The following SFSWAP variants were observed in gnomAD, a reference collection of about 807,000 sequenced individuals.
SFSWAP encodes the protein splicing factor, suppressor of white-apricot homolog.
Under a neutral mutation model 100.7 loss-of-function variants are expected in SFSWAP, and 17 were observed. The ratio of observed to expected loss-of-function variants is 0.17; its 90% confidence interval spans 0.12 to 0.25. The LOEUF (loss-of-function observed/expected upper bound fraction) is 0.25. SFSWAP is among the 10% of genes least tolerant of loss of function. The pLI is 1.00. For synonymous variants in SFSWAP, 504 were observed against 510.1 expected (o/e 0.99, Z 0.16); for missense variants, 1,005 against 1,262.6 (o/e 0.80, Z 3.09).
rs1388171627 is a variant in SFSWAP at position 131,733,940 on chromosome 12, CAT to C, written c.1081+5513_1081+5514del. 2.0e-5 allele frequency among the ~76,000 whole-genome samples: 3 copies of C among 152,216 alleles called. No homozygotes were observed. The highest frequency in any genetic ancestry group is 7.2e-5 in the African/African-American group (3 of 41,456). ...ATACAGACAAGACCCCAAACACACA[CAT>C]GGGAGCCCTGAGCCCACCCTGGGGC... is the stretch of plus-strand genomic sequence containing the variant. On this transcript the variant is annotated intron_variant, in intron 7 of 17. Transcript: ENST00000261674. This position sits in a 1 kb window ranked among gnomAD's most constrained non-coding sequence, Gnocchi z 5.1.
chr12:131,756,884 A>G (rs2136228453), intron 11 of SFSWAP: 1 of 478,732 alleles, frequency 2.1e-6, no homozygotes. Flanking sequence ...CAGTCTGTTC[A>G]GTGTACTGGA....
rs1467344819 is a variant in SFSWAP, at chr12:131,725,589, G to C, written c.791G>C (p.Arg264Pro). The change falls in exon 5 of 18, where the codon CGC becomes CCC. Residue 264 changes from arginine to proline, a missense_variant. This residue lies in a region of SFSWAP where 54 missense variants were observed against 51.9 expected (regional missense o/e 1.04). Coordinates refer to ENST00000261674, the MANE Select transcript of SFSWAP (RefSeq NM_004592.4). The surrounding 1 kb of genome is among the most constrained non-coding windows in gnomAD (Gnocchi z 4.3). Reference protein sequence around the residue: ...KFIQKAMKEGRYTVLAENKSD... With the variant: ...KFIQKAMKEGPYTVLAENKSD... ...ATCCAGAAAGCCATGAAAGAGGGAC[G>C]CTACACTGTCCTGGCAGAAAACAAA... 1 of 1,614,076 alleles carries C rather than the reference G, an allele frequency of 6.2e-7. No individual in the cohort carries two copies. Among genetic ancestry groups the C allele is most frequent in the Admixed American group, 1.7e-5 (1 of 59,990 alleles).
At chr12:131,765,915 A>G (rs911435934) in intron 12 of SFSWAP, among the ~76,000 whole-genome samples, 4 of 152,006 alleles carry the variant, frequency 2.6e-5, no homozygotes, top group Non-Finnish European at 5.9e-5. Context: ...AGTCTCACCA[A>G]CCTTCTAACT....
At chr12:131,761,036 C>A (rs1016161757) in intron 11 of SFSWAP, among the ~76,000 whole-genome samples, 1 of 152,192 alleles carries the variant, frequency 6.6e-6, no homozygotes, top group Non-Finnish European at 1.5e-5. Flanking sequence ...CGCGCCACTG[C>A]ACTCCAGCCT....
At chr12:131,722,395 C>G (rs1471520182) in intron 4 of SFSWAP, among the ~76,000 whole-genome samples, 1 of 151,968 alleles carries the variant, frequency 6.6e-6, no homozygotes, top group Non-Finnish European at 1.5e-5. Flanking sequence ...GATCCTGTCT[C>G]TACAAACAAG....
Position 131,786,544 on chromosome 12 carries a change from C to T in SFSWAP, c.2490C>T (p.Arg830=), listed in dbSNP as rs772475567. 1.1e-4 allele frequency: 167 copies of T among 1,587,556 alleles called. No homozygotes were observed. The highest frequency in any genetic ancestry group is 8.3e-5 in the Non-Finnish European group (97 of 1,168,132). ...AGAGGAGTGTGCCCACTGCCTACCGCGTGAGCCGCAGCCCTGGGGCCAGTA... is the reference window on the plus strand; with the variant it reads ...AGAGGAGTGTGCCCACTGCCTACCGTGTGAGCCGCAGCCCTGGGGCCAGTA... ...REERSVPTAY[R]VSRSPGASRK... Residue 830 remains arginine (R), a synonymous_variant, in exon 15 of 18, where the codon CGC becomes CGT. Transcript: ENST00000261674.
At chr12:131,718,288 A>G (rs1382127548) in intron 3 of SFSWAP, among the ~76,000 whole-genome samples, 1 of 152,238 alleles carries the variant, frequency 6.6e-6, no homozygotes. Flanking sequence ...TGTATATGAT[A>G]GAAACACTTA....
At chr12:131,790,533 C>T (rs1355840860) in intron 15 of SFSWAP, among the ~76,000 whole-genome samples, 1 of 152,136 alleles carries the variant, frequency 6.6e-6, no homozygotes. Context: ...GGCACAATGG[C>T]GGGCACCTAC....
intron 7 of SFSWAP, among the ~76,000 whole-genome samples, chr12:131,749,043 T>G (rs1881386282): frequency 1.3e-5 from 2 of 152,230 alleles, no homozygotes; most frequent in Non-Finnish European, 2.9e-5. Flanking sequence ...CAATTTGCAT[T>G]CAGTAGAACA....
At position 131,714,979 on chromosome 12, in the gene SFSWAP, T is replaced by C. The variant is rs1877753539; in HGVS notation, c.520+26T>C. On this transcript the variant is annotated intron_variant, in intron 3 of 17. Transcript: ENST00000261674. This position sits in a 1 kb window ranked among gnomAD's most constrained non-coding sequence, Gnocchi z 6.0. ...GTGAGTGGGGAGCTGCCTGGACTGC[T>C]GGTGTAGGGCTACACGTGTACGCAC... The C allele has an allele frequency of 6.2e-7, 1 of 1,613,024 alleles. No homozygotes were observed. Among genetic ancestry groups the C allele is most frequent in the Non-Finnish European group, 8.5e-7 (1 of 1,179,734 alleles).
intron 7 of SFSWAP, among the ~76,000 whole-genome samples, chr12:131,749,699 C>T (rs1881445182): frequency 6.6e-6 from 1 of 152,200 alleles, no homozygotes; most frequent in Non-Finnish European, 1.5e-5. Context: ...CCAGGCCGTG[C>T]CACCAGCTGG....
chr12:131,739,972 A>G (rs939880824), intron 7 of SFSWAP, among the ~76,000 whole-genome samples: 1 of 152,178 alleles, frequency 6.6e-6, no homozygotes, highest in Admixed American at 6.5e-5. Context: ...CGTTTTTACA[A>G]GGGCTGTAGT....
intron 13 of SFSWAP, among the ~76,000 whole-genome samples, chr12:131,771,182 CA>C (rs1315003422): frequency 6.6e-6 from 1 of 152,220 alleles, no homozygotes; most frequent in Non-Finnish European, 1.5e-5. Flanking sequence ...ATTTTTCTGA[CA>C]ACTTTTTTCA....
intron 7 of SFSWAP, among the ~76,000 whole-genome samples, chr12:131,740,438 T>G (rs59383017): frequency 0.15 from 22,218 of 152,142 alleles, 2,217 homozygotes; most frequent in East Asian, 0.52. Flanking sequence ...TAACTTTTAT[T>G]AACTTAATTG....
Position 131,775,005 on chromosome 12 carries a change from G to A in SFSWAP, c.2143-3060G>A, listed in dbSNP as rs114230546. 2.0e-3 allele frequency among the ~76,000 whole-genome samples: 308 copies of A among 152,264 alleles called. 3 individuals are homozygous for A. The highest frequency in any genetic ancestry group is 6.7e-3 in the African/African-American group (279 of 41,556). On this transcript the variant is annotated intron_variant, in intron 13 of 17. Coordinates refer to ENST00000261674, the MANE Select transcript of SFSWAP (RefSeq NM_004592.4). ...AACTCAGCTGGAGAGTTGACTCCTC[G>A]CACTCCTGTTTGTCTTGACTGTGCC...
chr12:131,753,140 T>A lies in SFSWAP; in HGVS notation c.1099T>A (p.Tyr367Asn), dbSNP rs1216469612. The change falls in exon 8 of 18, where the codon TAT becomes AAT. Residue 367 changes from tyrosine to asparagine, a missense_variant. Transcript: ENST00000261674. ...CTCCACAGCGACCGTGGCAGCCATG[T>A]ATTACAGCTACTACATGCTACCGGA... ...YTADSTVAAM[Y>N]YSYYMLPDGT... 3.1e-6 allele frequency: 5 copies of A among 1,614,060 alleles called. No individual in the cohort carries two copies. Among genetic ancestry groups the A allele is most frequent in the Non-Finnish European group, 4.2e-6 (5 of 1,180,046 alleles).
At chr12:131,775,952 A>AG (rs2136251718) in intron 13 of SFSWAP, among the ~76,000 whole-genome samples, 1 of 151,574 alleles carries the variant, frequency 6.6e-6, no homozygotes, top group Admixed American at 6.6e-5. Context: ...AAAAAAAAAA[A>AG]TTAGCTGAGC....
At chr12:131,790,778 G>A (rs1043361674) in intron 15 of SFSWAP, among the ~76,000 whole-genome samples, 1 of 152,202 alleles carries the variant, frequency 6.6e-6, no homozygotes, top group African/African-American at 2.4e-5. Context: ...GTGAATGGGA[G>A]TTCACTGCTG....
Position 131,711,612 on chromosome 12 carries a change from G to C in SFSWAP, c.218+165G>C. On this transcript the variant is annotated intron_variant, in intron 1 of 17. Transcript: ENST00000261674. This position sits in a 1 kb window ranked among gnomAD's most constrained non-coding sequence, Gnocchi z 4.9. The stretch of plus-strand genomic sequence containing the variant: ...CCTCCTCCTGGTGTTCTGGTGGGGA[G>C]GGGGACGGTGAAACCTGCCCTAAGG... 3 of 625,898 alleles carry C rather than the reference G, an allele frequency of 4.8e-6. No individual in the cohort carries two copies. Among genetic ancestry groups the C allele is most frequent in the Non-Finnish European group, 5.6e-6 (2 of 358,902 alleles). 38.8% of individuals were successfully genotyped at this position (625,898 alleles called of 1,614,324 possible). A position where few individuals can be genotyped will look rare whatever the true frequency, so the allele number is the denominator to read the frequency against.
Sources: gnomAD v4.1 joint callset for allele counts (sites outside exome capture counted in the v4.1 genomes callset) on GRCh38, gnomAD v4.1.1 for gene constraint, gnomAD v4.1.1 regional missense constraint, Gnocchi (gnomAD v3.1) non-coding constraint, MANE v1.5 for transcripts, NCBI Gene and HGNC (gene_info 2026-07-23, HGNC 2026-07-21) for gene names.